Variants in NBAS observed in about 807,000 individuals in gnomAD.
NBAS encodes NBAS subunit of NRZ tethering complex.
NBAS carries 219 observed loss-of-function variants against 302.5 expected under a neutral mutation model. The ratio of observed to expected loss-of-function variants is 0.72; its 90% CI spans 0.65 to 0.81. NBAS has a LOEUF of 0.81. Among genes scored for constraint, NBAS ranks in the 30% least tolerant of loss-of-function variants. NBAS has a pLI of 0.00. For synonymous variants in NBAS, 1,118 were observed against 1,021.6 expected (o/e 1.09, Z -1.80); for missense variants, 2,932 against 2,841.6 (o/e 1.03, Z -0.72).
At chr2:15,293,324 C>T (rs570001308) in intron 40 of NBAS, among the ~76,000 whole-genome samples, 1 of 152,220 alleles carries the variant, frequency 6.6e-6, no homozygotes, top group Non-Finnish European at 1.5e-5. Flanking sequence ...GTGCAAGTTG[C>T]ATAAAAAAAG....
At chr2:15,094,537 G>A in the NBAS span, among the ~76,000 whole-genome samples, 4 of 152,164 alleles carry the variant, frequency 2.6e-5, no homozygotes, top group Admixed American at 2.6e-4. Flanking sequence ...ATTAAGCCTG[G>A]GGCTGAATCA....
At chr2:15,109,190 T>C in the NBAS span, among the ~76,000 whole-genome samples, 66 of 152,196 alleles carry the variant, frequency 4.3e-4, no homozygotes, top group Non-Finnish European at 8.5e-4. Context: ...CTGTATATTA[T>C]AGTCTTTGGT....
the NBAS span, among the ~76,000 whole-genome samples, chr2:15,018,971 G>A: frequency 6.6e-6 from 1 of 152,194 alleles, no homozygotes; most frequent in African/African-American, 2.4e-5. Flanking sequence ...AGTGCTGTAA[G>A]TTTGTCCATG....
chr2:15,244,579 G>C (rs1668004454), intron 44 of NBAS, among the ~76,000 whole-genome samples: 1 of 152,028 alleles, frequency 6.6e-6, no homozygotes, highest in Admixed American at 6.5e-5. Context: ...CAATTATCTT[G>C]TCCCTGTTTC....
the NBAS span, among the ~76,000 whole-genome samples, chr2:14,939,902 T>C: frequency 1.3e-5 from 2 of 152,234 alleles, no homozygotes; most frequent in Admixed American, 6.5e-5. Context: ...TGTAAATCAA[T>C]GCAAAATGCT....
intron 38 of NBAS, among the ~76,000 whole-genome samples, chr2:15,314,783 T>A (rs1399167713): frequency 6.6e-6 from 1 of 152,194 alleles, no homozygotes; most frequent in Non-Finnish European, 1.5e-5. Flanking sequence ...ACCCCAGGTA[T>A]CCTTTAATAG....
chr2:15,166,655 C>T (rs1387844814), downstream of NBAS, among the ~76,000 whole-genome samples: 2 of 152,178 alleles, frequency 1.3e-5, no homozygotes, highest in African/African-American at 4.8e-5. Flanking sequence ...TCCAGGTCCA[C>T]CCTCCCTCCA....
the NBAS span, among the ~76,000 whole-genome samples, chr2:15,145,670 T>C: frequency 6.6e-6 from 1 of 152,002 alleles, no homozygotes; most frequent in African/African-American, 2.4e-5. Context: ...TTACTGCAGC[T>C]CCCACTCCTG....
chr2:15,378,933 GCT>G (rs1674889696), intron 30 of NBAS, among the ~76,000 whole-genome samples: 1 of 152,066 alleles, frequency 6.6e-6, no homozygotes. Context: ...GATTTATTAT[GCT>G]CTTTTAATTT....
At chr2:15,404,416 A>G (rs1676305774) in intron 25 of NBAS, among the ~76,000 whole-genome samples, 1 of 152,158 alleles carries the variant, frequency 6.6e-6, no homozygotes, top group African/African-American at 2.4e-5. Context: ...TTGGGAAACC[A>G]TTTGAAATAA....
chr2:14,795,479 A>C, the NBAS span, among the ~76,000 whole-genome samples: 1 of 151,780 alleles, frequency 6.6e-6, no homozygotes, highest in African/African-American at 2.4e-5. Flanking sequence ...TTTTACATAT[A>C]TATATATATT....
intron 44 of NBAS, among the ~76,000 whole-genome samples, chr2:15,244,814 G>A (rs939466139): frequency 1.1e-4 from 16 of 152,154 alleles, no homozygotes; most frequent in African/African-American, 3.6e-4. Context: ...AGGGTGGGCT[G>A]TAGCAGACAG....
At chr2:15,308,161 T>C in intron 40 of NBAS, 55 bp downstream of exon 40, 1 of 1,611,744 alleles carries the variant, frequency 6.2e-7, no homozygotes, top group South Asian at 1.1e-5. Context: ...GTTTTGAGTA[T>C]TTTAGAAAAG....
intron 10 of NBAS, among the ~76,000 whole-genome samples, chr2:15,506,159 T>C (rs946834334): frequency 2.0e-5 from 3 of 151,984 alleles, no homozygotes; most frequent in Non-Finnish European, 4.4e-5. Context: ...GCAGTAACAT[T>C]TGGATTGCCA....
chr2:14,877,192 A>G, the NBAS span, among the ~76,000 whole-genome samples: 1 of 152,126 alleles, frequency 6.6e-6, no homozygotes, highest in Non-Finnish European at 1.5e-5. Context: ...AGTGTGGCCC[A>G]TACTTTTTCC....
At chr2:15,031,222 C>T in the NBAS span, among the ~76,000 whole-genome samples, 3 of 152,306 alleles carry the variant, frequency 2.0e-5, no homozygotes, top group Admixed American at 2.0e-4. Context: ...GGGTTATCAG[C>T]AACCAACAAT....
chr2:14,907,868 C>T, the NBAS span, among the ~76,000 whole-genome samples: 1 of 152,200 alleles, frequency 6.6e-6, no homozygotes, highest in Non-Finnish European at 1.5e-5. Flanking sequence ...TCTCTGTACC[C>T]GAACCCACTT....
At chr2:14,941,381 T>C in the NBAS span, among the ~76,000 whole-genome samples, 1 of 152,230 alleles carries the variant, frequency 6.6e-6, no homozygotes, top group Non-Finnish European at 1.5e-5. Flanking sequence ...TGTGGGCCTC[T>C]GAAAGCTTCA....
chr2:15,112,535 T>A, the NBAS span, among the ~76,000 whole-genome samples: 1 of 152,010 alleles, frequency 6.6e-6, no homozygotes, highest in African/African-American at 2.4e-5. Context: ...AATATACACA[T>A]ATGCAAAACT....
Sources: allele counts gnomAD v4.1 joint callset (sites outside exome capture counted in the v4.1 genomes callset), GRCh38; gene constraint gnomAD v4.1.1; transcripts MANE v1.5; gene names NCBI Gene and HGNC (gene_info 2026-07-23, HGNC 2026-07-21).